Variants in RBMS3 observed in about 807,000 individuals in gnomAD.
RBMS3 encodes the protein RNA binding motif single stranded interacting protein 3.
In RBMS3, 27 loss-of-function variants were observed where a neutral mutation model predicts 66.8. The observed-to-expected ratio is 0.40, with a 90% confidence interval of 0.30 to 0.56. The LOEUF is 0.56. Among genes scored for constraint, RBMS3 ranks in the 20% least tolerant of loss-of-function variants. The probability of loss-of-function intolerance (pLI) is 0.40; values close to 1 mark genes in which losing one functional copy is unlikely to be tolerated. For missense variants in RBMS3, 513 were observed against 549.5 expected, an observed-to-expected ratio of 0.93 and a Z score of 0.66; for synonymous variants, 188 against 183.0, an observed-to-expected ratio of 1.03 and a Z score of -0.22.
chr3:29,386,452 A>G (rs2039012124), intron 1 of RBMS3, among the ~76,000 whole-genome samples: 1 of 151,868 alleles, frequency 6.6e-6, no homozygotes, highest in Non-Finnish European at 1.5e-5. Flanking sequence ...CTTCCATACT[A>G]CCAACATGTA....
At chr3:29,612,989 C>T (rs184310826) in intron 4 of RBMS3, among the ~76,000 whole-genome samples, 239 of 152,204 alleles carry the variant, frequency 1.6e-3, no homozygotes, top group Non-Finnish European at 2.8e-3. Context: ...TAGCTTATTT[C>T]ATGTTCTTCT....
chr3:29,368,291 A>G (rs138099299), intron 1 of RBMS3, among the ~76,000 whole-genome samples: 2 of 152,294 alleles, frequency 1.3e-5, no homozygotes, highest in East Asian at 3.9e-4. Context: ...AGCAAATCCT[A>G]TTAGTACTTA....
At chr3:29,812,693 A>G (rs548083942) in intron 6 of RBMS3, among the ~76,000 whole-genome samples, 2 of 152,298 alleles carry the variant, frequency 1.3e-5, no homozygotes, top group African/African-American at 4.8e-5. Context: ...ATTAAGATGG[A>G]AAATAGTTTT....
chr3:29,647,987 C>A (rs1315698476), intron 4 of RBMS3, among the ~76,000 whole-genome samples: 1 of 152,084 alleles, frequency 6.6e-6, no homozygotes, highest in Non-Finnish European at 1.5e-5. Flanking sequence ...TGAAAGACTT[C>A]ATGTTCTGCA....
intron 1 of RBMS3, among the ~76,000 whole-genome samples, chr3:29,378,980 C>T (rs558902323): frequency 4.6e-5 from 7 of 152,322 alleles, no homozygotes; most frequent in African/African-American, 1.7e-4. Context: ...ACTTAACTTT[C>T]TCAGCCTCCA....
At chr3:29,798,087 G>A (rs1406919991) in intron 6 of RBMS3, among the ~76,000 whole-genome samples, 1 of 151,720 alleles carries the variant, frequency 6.6e-6, no homozygotes, top group Non-Finnish European at 1.5e-5. Context: ...TATCAATTCA[G>A]TTTGCTGTCT....
chr3:29,387,015 T>A (rs1340978750), intron 1 of RBMS3, among the ~76,000 whole-genome samples: 1 of 152,216 alleles, frequency 6.6e-6, no homozygotes. Context: ...CCTCATTGCT[T>A]ACCGGTTACC....
At chr3:29,623,161 T>C (rs1450191492) in intron 4 of RBMS3, among the ~76,000 whole-genome samples, 2 of 100,178 alleles carry the variant, frequency 2.0e-5, no homozygotes, top group African/African-American at 8.5e-5. Context: ...TAAAGGGGAT[T>C]AAATTAACTT....
chr3:29,613,086 A>G (rs13320182), intron 4 of RBMS3, among the ~76,000 whole-genome samples: 6,554 of 152,132 alleles, frequency 0.043, 414 homozygotes, highest in East Asian at 0.33. Flanking sequence ...CACATGAACA[A>G]TGCTTCATTG....
chr3:29,564,911 CA>C (rs1296426380), intron 3 of RBMS3, among the ~76,000 whole-genome samples: 1 of 152,066 alleles, frequency 6.6e-6, no homozygotes, highest in African/African-American at 2.4e-5. Flanking sequence ...CTTTAAAAAT[CA>C]ATCTCAAAAT....
chr3:29,757,560 C>A (rs1266789093), intron 5 of RBMS3, among the ~76,000 whole-genome samples: 7 of 152,306 alleles, frequency 4.6e-5, no homozygotes, highest in Non-Finnish European at 8.8e-5. Context: ...GCTTTGAAAT[C>A]TTTGTGCCTG....
At chr3:29,866,099 A>AT (rs397713080) in intron 6 of RBMS3, among the ~76,000 whole-genome samples, 2 of 150,466 alleles carry the variant, frequency 1.3e-5, no homozygotes, top group Non-Finnish European at 3.0e-5. Flanking sequence ...AAAAAAAAAA[A>AT]TTCCTCTTCT....
At chr3:29,418,159 A>T (rs1223926844) in intron 1 of RBMS3, among the ~76,000 whole-genome samples, 1 of 152,166 alleles carries the variant, frequency 6.6e-6, no homozygotes, top group Non-Finnish European at 1.5e-5. Flanking sequence ...CCATTCATAA[A>T]CAAGTCATTA....
At chr3:29,590,210 C>T (rs1365087206) in intron 4 of RBMS3, among the ~76,000 whole-genome samples, 3 of 151,958 alleles carry the variant, frequency 2.0e-5, no homozygotes, top group Admixed American at 2.0e-4. Flanking sequence ...TGAATCCTGG[C>T]TCTGGTACCA....
At chr3:29,690,079 A>G (rs1389174822) in intron 4 of RBMS3, among the ~76,000 whole-genome samples, 2 of 151,816 alleles carry the variant, frequency 1.3e-5, no homozygotes, top group Non-Finnish European at 2.9e-5. Context: ...CATTTTATTA[A>G]TCACATATCT....
intron 8 of RBMS3, among the ~76,000 whole-genome samples, chr3:29,891,431 T>G (rs1206320781): frequency 6.6e-6 from 1 of 151,620 alleles, no homozygotes; most frequent in Non-Finnish European, 1.5e-5. Context: ...ATCGTAGTAC[T>G]TTTTACTGTA....
chr3:29,863,140 T>G (rs575308918), intron 6 of RBMS3, among the ~76,000 whole-genome samples: 14 of 152,132 alleles, frequency 9.2e-5, no homozygotes, highest in African/African-American at 3.4e-4. Flanking sequence ...TGGAAATATA[T>G]TCATTGTTTT....
intron 6 of RBMS3, among the ~76,000 whole-genome samples, chr3:29,797,148 A>T (rs2057229086): frequency 6.6e-6 from 1 of 152,146 alleles, no homozygotes; most frequent in Non-Finnish European, 1.5e-5. Context: ...CAATATAAGG[A>T]TACTTCATCT....
chr3:29,418,476 G>A (rs28373428), intron 1 of RBMS3, among the ~76,000 whole-genome samples: 26,842 of 152,096 alleles, frequency 0.18, 2,566 homozygotes, highest in African/African-American at 0.26. Context: ...GTGCCTTTGC[G>A]TATAGCATAG....
Sources: gnomAD v4.1 joint callset for allele counts (sites outside exome capture counted in the v4.1 genomes callset) on GRCh38, gnomAD v4.1.1 for gene constraint, MANE v1.5 for transcripts, NCBI Gene and HGNC (gene_info 2026-07-23, HGNC 2026-07-21) for gene names.